CACNA1D: variants seen among roughly 807,000 people sequenced by gnomAD.
The protein encoded by CACNA1D is calcium voltage-gated channel subunit alpha1 D, also known as voltage-dependent L-type calcium channel subunit alpha-1D.
A neutral mutation model predicts 257.1 loss-of-function variants in CACNA1D; 55 were observed. The observed-to-expected ratio is 0.21, with a 90% CI of 0.17 to 0.27. The LOEUF is 0.27. Ranked by LOEUF, CACNA1D falls within the 10% of genes least tolerant of loss-of-function variation. The pLI is 1.00. For missense variants in CACNA1D, 1,876 were observed against 2,784.0 expected (o/e 0.67, Z 7.34); for synonymous variants, 980 against 1,014.9 (o/e 0.97, Z 0.65).
chr3:53,574,759 T>C (rs1442594738), intron 3 of CACNA1D, among the ~76,000 whole-genome samples: 8 of 151,610 alleles, frequency 5.3e-5, no homozygotes, highest in Admixed American at 5.3e-4. Flanking sequence ...ATGCACTAAT[T>C]ACACACACAC....
At chr3:53,700,314 A>G (rs1360512761) in intron 8 of CACNA1D, among the ~76,000 whole-genome samples, 1 of 151,980 alleles carries the variant, frequency 6.6e-6, no homozygotes, top group African/African-American at 2.4e-5. Context: ...ATGCAAACAG[A>G]TTTGTACTAG....
At chr3:53,698,522 A>G (rs2094592595) in intron 8 of CACNA1D, among the ~76,000 whole-genome samples, 1 of 152,250 alleles carries the variant, frequency 6.6e-6, no homozygotes, top group Non-Finnish European at 1.5e-5. Context: ...CATTTGAATT[A>G]CAGATTTGTT....
At chr3:53,700,085 A>G (rs566758196) in intron 8 of CACNA1D, among the ~76,000 whole-genome samples, 38 of 148,184 alleles carry the variant, frequency 2.6e-4, no homozygotes, top group African/African-American at 9.3e-4. Context: ...TATAATTTAA[A>G]AATAAAATAT....
chr3:53,580,450 C>T (rs952037658), intron 3 of CACNA1D, among the ~76,000 whole-genome samples: 2 of 152,222 alleles, frequency 1.3e-5, no homozygotes, highest in African/African-American at 4.8e-5. Flanking sequence ...TCCTCTGCAT[C>T]TCCCATCGTA....
Position 53,620,947 on chromosome 3 carries a change from A to G in CACNA1D, c.484-29832A>G, listed in dbSNP as rs1244339326. On this transcript the variant is annotated intron_variant, in intron 3 of 47. Coordinates refer to ENST00000350061, the MANE Select transcript of CACNA1D (RefSeq NM_001128840.3). The stretch of plus-strand genomic sequence containing the variant: ...ATGTGCCTGTCCTCAGTGGCTAGCC[A>G]TGACACTGCCAGAGGAGCACTGAGA... Among the ~76,000 whole-genome samples the G allele has an allele frequency of 9.9e-5, 15 of 152,194 alleles. 1 individual carries two copies. Among genetic ancestry groups the G allele is most frequent in the Non-Finnish European group, 1.5e-5 (1 of 68,032 alleles).
intron 3 of CACNA1D, among the ~76,000 whole-genome samples, chr3:53,566,579 T>C (rs2092843583): frequency 2.6e-5 from 4 of 152,144 alleles, no homozygotes; most frequent in Non-Finnish European, 5.9e-5. Context: ...AGTCACTTCC[T>C]AGAGGACCAG....
At chr3:53,786,991 C>T (rs749413408) in intron 40 of CACNA1D, 39 bp downstream of exon 40, 33 of 1,607,756 alleles carry the variant, frequency 2.1e-5, no homozygotes, top group African/African-American at 1.1e-4. Context: ...TTTTGACTAA[C>T]GATTTTACAA....
chr3:53,560,879 T>C (rs1288505780), intron 3 of CACNA1D, among the ~76,000 whole-genome samples: 1 of 152,226 alleles, frequency 6.6e-6, no homozygotes, highest in Non-Finnish European at 1.5e-5. Context: ...CTCCTCTTGA[T>C]TGAAATTTTC....
At chr3:53,762,380 CAGA>C (rs764882147) in intron 30 of CACNA1D, among the ~76,000 whole-genome samples, 1 of 152,236 alleles carries the variant, frequency 6.6e-6, no homozygotes, top group Non-Finnish European at 1.5e-5. Context: ...TTTGCTGTGT[CAGA>C]AGTGATACCC....
chr3:53,627,066 G>C (rs2108084467), intron 3 of CACNA1D, among the ~76,000 whole-genome samples: 1 of 152,318 alleles, frequency 6.6e-6, no homozygotes. Flanking sequence ...GTTGGTTTTT[G>C]CAGCTTCTCT....
chr3:53,751,252 G>A lies in CACNA1D; in HGVS notation c.3517-497G>A, dbSNP rs947734408. ...GAGCATCCAGGAGGCTACTAGTCTT[G>A]GGGAATGAGCCAGCCCCTCTCGTTC... is the stretch of plus-strand genomic sequence containing the variant. On this transcript the variant is annotated intron_variant, in intron 27 of 47. Transcript: ENST00000350061. This position sits in a 1 kb window ranked among gnomAD's most constrained non-coding sequence, Gnocchi z 4.3. Among the ~76,000 whole-genome samples, 14 of 152,216 alleles carry A rather than the reference G, an allele frequency of 9.2e-5. No homozygotes were observed. The highest frequency in any genetic ancestry group is 2.0e-4 in the Admixed American group (3 of 15,290).
chr3:53,744,099 T>C (rs989681772), intron 22 of CACNA1D, among the ~76,000 whole-genome samples: 4 of 152,154 alleles, frequency 2.6e-5, no homozygotes, highest in African/African-American at 9.7e-5. Context: ...TGCATTCTCT[T>C]GTGTCGCATC....
At chr3:53,539,305 T>C (rs1481451103) in intron 3 of CACNA1D, among the ~76,000 whole-genome samples, 1 of 152,126 alleles carries the variant, frequency 6.6e-6, no homozygotes, top group Non-Finnish European at 1.5e-5. Flanking sequence ...AGACAGGTTT[T>C]CACCATGTTA....
intron 38 of CACNA1D, among the ~76,000 whole-genome samples, chr3:53,781,288 G>A (rs922153069): frequency 6.6e-6 from 1 of 152,174 alleles, no homozygotes; most frequent in African/African-American, 2.4e-5. Flanking sequence ...CTCAGCTGTG[G>A]GAGGGCAGGA....
At chr3:53,729,408 T>A (rs2094966482) in intron 15 of CACNA1D, among the ~76,000 whole-genome samples, 1 of 152,200 alleles carries the variant, frequency 6.6e-6, no homozygotes. Context: ...GACAGTGCTA[T>A]GCTGCTCCTG....
intron 14 of CACNA1D, among the ~76,000 whole-genome samples, chr3:53,726,183 C>T (rs552103191): frequency 1.3e-5 from 2 of 151,780 alleles, no homozygotes; most frequent in Non-Finnish European, 2.9e-5. Flanking sequence ...CTTTGCATAG[C>T]ATGATATCCT....
intron 19 of CACNA1D, among the ~76,000 whole-genome samples, chr3:53,733,426 A>G (rs2095019637): frequency 1.3e-5 from 2 of 152,012 alleles, no homozygotes; most frequent in South Asian, 4.1e-4. Flanking sequence ...ATCCTCATAG[A>G]TCCCCCACTT....
chr3:53,648,977 T>G (rs541263491), intron 3 of CACNA1D, among the ~76,000 whole-genome samples: 1 of 152,288 alleles, frequency 6.6e-6, no homozygotes, highest in Admixed American at 6.5e-5. Flanking sequence ...GAAGCCCTGT[T>G]ATATGACCAG....
chr3:53,654,754 T>C (rs1349641990), intron 4 of CACNA1D, among the ~76,000 whole-genome samples: 1 of 152,190 alleles, frequency 6.6e-6, no homozygotes, highest in African/African-American at 2.4e-5. Flanking sequence ...ATATTTACTA[T>C]TCGGCACTTT....
Sources: gnomAD v4.1 joint callset for allele counts (sites outside exome capture counted in the v4.1 genomes callset) on GRCh38, gnomAD v4.1.1 for gene constraint, Gnocchi (gnomAD v3.1) non-coding constraint, MANE v1.5 for transcripts, NCBI Gene and HGNC (gene_info 2026-07-23, HGNC 2026-07-21) for gene names.